Variants in HSD17B12 observed in about 807,000 individuals in gnomAD.
HSD17B12 encodes the protein hydroxysteroid 17-beta dehydrogenase 12, also known as very-long-chain 3-oxoacyl-CoA reductase.
A neutral mutation model predicts 39.3 loss-of-function variants in HSD17B12; 32 were observed. The observed-to-expected ratio is 0.81, with a 90% confidence interval of 0.61 to 1.09. The LOEUF is 1.09. HSD17B12 is among the 50% of genes least tolerant of loss of function. HSD17B12 has a pLI of 0.00. For missense variants in HSD17B12, 342 were observed against 382.9 expected (o/e 0.89, Z 0.89); for synonymous variants, 150 against 146.7 (o/e 1.02, Z -0.16).
chr11:43,762,231 T>C (rs1950560979), intron 3 of HSD17B12, among the ~76,000 whole-genome samples: 1 of 152,234 alleles, frequency 6.6e-6, no homozygotes, highest in Non-Finnish European at 1.5e-5. Context: ...CTATTTAGTC[T>C]TGCAAAATTA....
the HSD17B12 span, among the ~76,000 whole-genome samples, chr11:43,566,058 C>T: frequency 3.3e-5 from 5 of 152,206 alleles, no homozygotes; most frequent in Admixed American, 2.6e-4. Context: ...CCAGTTTCTA[C>T]ACTTAACAGC....
intron 3 of HSD17B12, among the ~76,000 whole-genome samples, chr11:43,758,217 T>C (rs1565077386): frequency 6.6e-6 from 1 of 152,118 alleles, no homozygotes; most frequent in Non-Finnish European, 1.5e-5. Flanking sequence ...TGGGTGTCAG[T>C]GAGGGATATT....
chr11:43,746,286 G>C (rs1369132637), intron 1 of HSD17B12, among the ~76,000 whole-genome samples: 1 of 151,962 alleles, frequency 6.6e-6, no homozygotes, highest in Non-Finnish European at 1.5e-5. Flanking sequence ...ATAACACTTA[G>C]CTTAAAAAAG....
chr11:43,657,260 CT>C, the HSD17B12 span, among the ~76,000 whole-genome samples: 6 of 152,264 alleles, frequency 3.9e-5, no homozygotes, highest in African/African-American at 1.4e-4. Flanking sequence ...CTTGGTAGAT[CT>C]TCCTCCATCC....
chr11:43,679,816 T>C (rs985418617), upstream of HSD17B12, among the ~76,000 whole-genome samples: 1 of 152,092 alleles, frequency 6.6e-6, no homozygotes, highest in Non-Finnish European at 1.5e-5. Context: ...AACTAAGTGA[T>C]GTTTAGTGCT....
chr11:43,751,101 G>C, intron 2 of HSD17B12, 144 bp downstream of exon 2: 1 of 505,346 alleles, frequency 2.0e-6, no homozygotes, highest in Non-Finnish European at 3.4e-6. Flanking sequence ...TTTCTACCTT[G>C]TTGGAAATAC....
At chr11:43,756,258 G>C (rs1950507146) in intron 3 of HSD17B12, among the ~76,000 whole-genome samples, 1 of 151,414 alleles carries the variant, frequency 6.6e-6, no homozygotes, top group South Asian at 2.1e-4. Context: ...TGAGAGTACA[G>C]ATCTTTACAA....
At chr11:43,667,466 A>G in the HSD17B12 span, among the ~76,000 whole-genome samples, 2 of 152,148 alleles carry the variant, frequency 1.3e-5, no homozygotes, top group African/African-American at 4.8e-5. Flanking sequence ...TTTAACTAGA[A>G]GTTATTGCTC....
intron 1 of HSD17B12, among the ~76,000 whole-genome samples, chr11:43,686,274 A>T (rs546281689): frequency 6.6e-6 from 1 of 152,234 alleles, no homozygotes; most frequent in African/African-American, 2.4e-5. Context: ...AGGTGAGGGA[A>T]GGCAGAGAAA....
intron 2 of HSD17B12, among the ~76,000 whole-genome samples, chr11:43,751,761 T>C (rs1250833346): frequency 6.6e-6 from 1 of 152,232 alleles, no homozygotes; most frequent in African/African-American, 2.4e-5. Flanking sequence ...TAATTTACTT[T>C]ACTATTATTA....
chr11:43,719,848 C>G (rs1300923976), intron 1 of HSD17B12, among the ~76,000 whole-genome samples: 1 of 152,048 alleles, frequency 6.6e-6, no homozygotes, highest in African/African-American at 2.4e-5. Flanking sequence ...TTTATTTCTC[C>G]CATTTTGAAC....
At chr11:43,652,629 G>A in the HSD17B12 span, among the ~76,000 whole-genome samples, 36 of 152,038 alleles carry the variant, frequency 2.4e-4, no homozygotes, top group Non-Finnish European at 3.7e-4. Context: ...ATTTGCTAGC[G>A]TGGCTCACAG....
intron 3 of HSD17B12, among the ~76,000 whole-genome samples, chr11:43,766,447 G>C (rs1445142075): frequency 1.3e-5 from 2 of 152,122 alleles, no homozygotes; most frequent in East Asian, 3.8e-4. Flanking sequence ...TGTTCAGGCT[G>C]GTCAAGTGAT....
At chr11:43,611,730 G>T in the HSD17B12 span, among the ~76,000 whole-genome samples, 2 of 152,080 alleles carry the variant, frequency 1.3e-5, no homozygotes, top group East Asian at 3.8e-4. Context: ...TCTGATGTGG[G>T]GTGATTATTA....
chr11:43,566,623 G>A, the HSD17B12 span, among the ~76,000 whole-genome samples: 1 of 151,900 alleles, frequency 6.6e-6, no homozygotes. Context: ...TCCTCCTCCC[G>A]GGTTCAAGCA....
rs750105390 is a variant in HSD17B12 at position 43,680,969 on chromosome 11, G to A, written c.142G>A (p.Gly48Arg). 1 of 1,606,244 alleles carries A rather than the reference G, an allele frequency of 6.2e-7. No individual in the cohort carries two copies. The highest frequency in any genetic ancestry group is 1.1e-5 in the South Asian group (1 of 90,742). ...GGGGAATGAGGCGGGGGTCGGCCCG[G>A]GGCTCGGAGAATGGGCAGGTGAGTC... is the stretch of plus-strand genomic sequence containing the variant. ...GVGNEAGVGP[G>R]LGEWAVVTGS... is the part of the protein sequence containing the mutation. Residue 48 changes from glycine (G) to arginine (R), a missense_variant, in exon 1 of 11, where the codon GGG (glycine) becomes AGG (arginine). By Grantham distance (125) the Gly-to-Arg change is moderately radical (BLOSUM62 -2). Transcript: ENST00000278353.
chr11:43,716,912 G>A (rs1950129338), intron 1 of HSD17B12, among the ~76,000 whole-genome samples: 1 of 151,790 alleles, frequency 6.6e-6, no homozygotes, highest in Non-Finnish European at 1.5e-5. Context: ...GAAGGTGCTA[G>A]TGTTCTAAAT....
At chr11:43,587,105 G>A in the HSD17B12 span, among the ~76,000 whole-genome samples, 1 of 152,168 alleles carries the variant, frequency 6.6e-6, no homozygotes, top group African/African-American at 2.4e-5. Context: ...ACTTAAAGAA[G>A]CAATAGTATC....
upstream of HSD17B12, chr11:43,680,658 C>CCAATAGCAGA: frequency 4.6e-6 from 3 of 651,474 alleles, no homozygotes; most frequent in Non-Finnish European, 8.4e-6. Context: ...GAGGGAAAGA[C>CCAATAGCAGA]GGGTCACCAA....
Sources: gnomAD v4.1 joint callset for allele counts (sites outside exome capture counted in the v4.1 genomes callset) on GRCh38, gnomAD v4.1.1 for gene constraint, MANE v1.5 for transcripts, NCBI Gene and HGNC (gene_info 2026-07-23, HGNC 2026-07-21) for gene names.